The following DIO2 variants were observed in gnomAD, a reference collection of about 807,000 sequenced individuals.
DIO2 encodes the protein type II iodothyronine deiodinase.
DIO2 carries 19 observed loss-of-function variants against 21.4 expected under a neutral mutation model. The ratio of observed to expected loss-of-function variants is 0.89; its 90% CI spans 0.62 to 1.30. The LOEUF (loss-of-function observed/expected upper bound fraction) is 1.30. Among genes scored for constraint, DIO2 ranks in the 50% most tolerant of loss-of-function variants. The pLI is 0.00. For missense variants in DIO2, 302 were observed against 338.1 expected, an observed-to-expected ratio of 0.89 and a Z score of 0.84; for synonymous variants, 122 against 132.9, an observed-to-expected ratio of 0.92 and a Z score of 0.57.
At chr14:80,210,536 G>T (rs1333449686) in intron 1 of DIO2, among the ~76,000 whole-genome samples, 1 of 152,184 alleles carries the variant, frequency 6.6e-6, no homozygotes, top group Non-Finnish European at 1.5e-5. Context: ...GAGAAACAAA[G>T]TAAAGGAGGC....
chr14:80,205,198 C>CTTTTTTTT (rs552212952), intron 1 of DIO2, among the ~76,000 whole-genome samples: 1 of 148,038 alleles, frequency 6.8e-6, no homozygotes, highest in Non-Finnish European at 1.5e-5. Context: ...TTTTGTACTT[C>CTTTTTTTT]TTTTTTTTTT....
intron 2 of DIO2, among the ~76,000 whole-genome samples, chr14:80,220,472 C>T (rs1888444751): frequency 6.6e-6 from 1 of 152,052 alleles, no homozygotes; most frequent in African/African-American, 2.4e-5. Flanking sequence ...TTCTCCACAG[C>T]CACACTTATA....
intron 1 of DIO2, among the ~76,000 whole-genome samples, chr14:80,210,476 A>C (rs1165130074): frequency 6.6e-6 from 1 of 152,200 alleles, no homozygotes; most frequent in Non-Finnish European, 1.5e-5. Flanking sequence ...TCTGAGATTT[A>C]ATGAATCACA....
At chr14:80,222,860 CTTTT>C (rs200049777) in intron 2 of DIO2, among the ~76,000 whole-genome samples, 1 of 138,812 alleles carries the variant, frequency 7.2e-6, no homozygotes. Flanking sequence ...TTCTTTGTTT[CTTTT>C]TTTTTTTTTT....
At position 80,211,482 on chromosome 14, in the gene DIO2, C is replaced by T. The variant is rs1024403936; in HGVS notation, c.-10G>A. On this transcript the variant is annotated 5_prime_UTR_variant, in exon 1 of 2. Coordinates refer to ENST00000438257, the MANE Select transcript of DIO2 (RefSeq NM_013989.5). ...CGCTGAGGATGCCCATCTTCTCTGC[C>T]TCCTGAGTCAGTTCCCTTGTGCGCT... The T allele has an allele frequency of 8.8e-6, 14 of 1,590,724 alleles. No individual in the cohort carries two copies. The African/African-American group carries it at 1.4e-4, about 16-fold the overall frequency.
intron 1 of DIO2, chr14:80,205,783 TGG>T (rs5809988): frequency 2.6e-6 from 3 of 1,164,160 alleles, no homozygotes; most frequent in Non-Finnish European, 3.3e-6. Context: ...ATGCTCTTTA[TGG>T]GGGGGATTTA....
chr14:80,216,603 T>C lies in DIO2; in HGVS notation c.-230+87A>G, dbSNP rs953948159. On this transcript the variant is annotated intron_variant, in intron 3 of 4. Transcript: ENST00000553594. ...GGTAGGGGAATTGAGAAGAAGACTT[T>C]GTAAAGTTATACATGGTGAATTCAT... 2.0e-5 allele frequency: 3 copies of C among 152,072 alleles called. No homozygotes were observed. The South Asian group carries it at 6.2e-4, about 32-fold the overall frequency. 9.4% of individuals were successfully genotyped at this position (152,072 alleles called of 1,614,324 possible). A position where few individuals can be genotyped will look rare whatever the true frequency, so the allele number is the denominator to read the frequency against.
chr14:80,211,592 G>GGGGGGGC (rs1888203677), upstream of DIO2: 1 of 162,280 alleles, frequency 6.2e-6, no homozygotes, highest in Non-Finnish European at 1.2e-5. Context: ...GGGGTTGGGG[G>GGGGGGGC]AGAAGGGGAA....
chr14:80,205,601 C>T (rs77075531), intron 1 of DIO2: 4 of 1,328,230 alleles, frequency 3.0e-6, no homozygotes, highest in Non-Finnish European at 3.9e-6. Flanking sequence ...TCTCTTATTA[C>T]CTGCAGTAAA....
chr14:80,222,179 T>C (rs188324910), intron 2 of DIO2, among the ~76,000 whole-genome samples: 1 of 152,334 alleles, frequency 6.6e-6, no homozygotes, highest in East Asian at 1.9e-4. Flanking sequence ...CTTTGCTATA[T>C]TGAAAAAAAT....
chr14:80,207,271 T>C (rs564976614), intron 1 of DIO2, among the ~76,000 whole-genome samples: 1 of 152,286 alleles, frequency 6.6e-6, no homozygotes, highest in East Asian at 1.9e-4. Flanking sequence ...CTTGATGATG[T>C]TCAGTGTTCA....
At position 80,199,454 on chromosome 14, in the gene DIO2, C is replaced by T. The variant is rs778786049; in HGVS notation, c.*3235G>A. 2.0e-5 allele frequency: 3 copies of T among 152,218 alleles called. No individual in the cohort carries two copies. Among genetic ancestry groups the T allele is most frequent in the Non-Finnish European group, 4.4e-5 (3 of 68,046 alleles). The allele number at this position is 152,218 out of a possible 1,614,324, so 9.4% of individuals were successfully genotyped here. ...AAAGAAAGTCATGTAAGTTAAGTGA[C>T]TGTCACTTAGCTATACAAAGTAGGA... On this transcript the variant is annotated 3_prime_UTR_variant, in exon 2 of 2. Coordinates refer to ENST00000438257, the MANE Select transcript of DIO2 (RefSeq NM_013989.5).
chr14:80,215,143 G>A (rs2140013495), upstream of DIO2, among the ~76,000 whole-genome samples: 1 of 152,278 alleles, frequency 6.6e-6, no homozygotes, highest in East Asian at 1.9e-4. Flanking sequence ...TGAGTTAAAT[G>A]CAAACCAACG....
chr14:80,208,946 A>G (rs1252797899), intron 1 of DIO2, among the ~76,000 whole-genome samples: 1 of 152,250 alleles, frequency 6.6e-6, no homozygotes, highest in Non-Finnish European at 1.5e-5. Context: ...ATAAATCATC[A>G]AAAGCAAACA....
intron 2 of DIO2, among the ~76,000 whole-genome samples, chr14:80,224,591 T>C (rs1032422194): frequency 4.6e-5 from 7 of 150,996 alleles, no homozygotes; most frequent in African/African-American, 1.7e-4. Context: ...TTTGGCCCAC[T>C]GACACTGATT....
intron 2 of DIO2, among the ~76,000 whole-genome samples, chr14:80,221,119 T>A (rs777451670): frequency 1.3e-5 from 2 of 152,208 alleles, no homozygotes; most frequent in Non-Finnish European, 2.9e-5. Context: ...CTTGTGTCCA[T>A]CTTTATAACC....
intron 2 of DIO2, among the ~76,000 whole-genome samples, chr14:80,220,337 C>T (rs977037691): frequency 6.6e-6 from 1 of 152,124 alleles, no homozygotes; most frequent in African/African-American, 2.4e-5. Flanking sequence ...CATATAAGCT[C>T]AATGAGTCTT....
At chr14:80,213,570 G>A (rs753023120), upstream of DIO2, among the ~76,000 whole-genome samples, 2 of 152,116 alleles carry the variant, frequency 1.3e-5, no homozygotes, top group Admixed American at 6.5e-5. Context: ...TTTAGGTTCC[G>A]TGAGAGCAGG....
chr14:80,217,322 C>A (rs1888380753), intron 2 of DIO2, among the ~76,000 whole-genome samples: 3 of 152,148 alleles, frequency 2.0e-5, no homozygotes, highest in Admixed American at 1.3e-4. Flanking sequence ...CCTTTTTAAG[C>A]TCGTGGTACT....
Sources: gnomAD v4.1 joint callset for allele counts (sites outside exome capture counted in the v4.1 genomes callset) on GRCh38, gnomAD v4.1.1 for gene constraint, MANE v1.5 for transcripts, NCBI Gene and HGNC (gene_info 2026-07-23, HGNC 2026-07-21) for gene names.